Variants in CTNNA3 observed in about 807,000 individuals in gnomAD.
CTNNA3 encodes catenin alpha 3.
A neutral mutation model predicts 95.7 loss-of-function variants in CTNNA3; 76 were observed. That is an observed-to-expected ratio of 0.79 (90% CI 0.66 to 0.96). The LOEUF (loss-of-function observed/expected upper bound fraction) is 0.96. CTNNA3 is among the 40% of genes least tolerant of loss of function. The probability of loss-of-function intolerance (pLI) is 0.00; values close to 1 mark genes in which losing one functional copy is unlikely to be tolerated. For missense variants in CTNNA3, 1,191 were observed against 1,089.8 expected, an observed-to-expected ratio of 1.09 and a Z score of -1.31; for synonymous variants, 431 against 374.4, an observed-to-expected ratio of 1.15 and a Z score of -1.74.
chr10:67,216,043 G>A lies in CTNNA3; in HGVS notation c.843+3564C>T, dbSNP rs116606229. ...GTTCTTATAGTTCACTATATATCTA[G>A]AAACCAAACCATTTTTTAAAATCAT... On this transcript the variant is annotated intron_variant, in intron 6 of 17. Transcript: ENST00000433211. Among the ~76,000 whole-genome samples, 372 of 152,044 alleles carry A rather than the reference G, an allele frequency of 2.4e-3. 3 individuals are homozygous for A. Among genetic ancestry groups the A allele is most frequent in the African/African-American group, 8.5e-3 (353 of 41,468 alleles).
chr10:65,938,478 T>C (rs2077377436), intron 17 of CTNNA3, among the ~76,000 whole-genome samples: 1 of 152,166 alleles, frequency 6.6e-6, no homozygotes, highest in Non-Finnish European at 1.5e-5. Context: ...AAAATAAGTA[T>C]ATAGTGAGAT....
intron 9 of CTNNA3, among the ~76,000 whole-genome samples, chr10:66,666,537 AC>A (rs1846457809): frequency 6.6e-6 from 1 of 152,162 alleles, no homozygotes; most frequent in South Asian, 2.1e-4. Flanking sequence ...TAATAAGGAC[AC>A]CTTTTTTGCA....
chr10:66,253,934 G>A (rs2090658728), intron 13 of CTNNA3, among the ~76,000 whole-genome samples: 1 of 152,166 alleles, frequency 6.6e-6, no homozygotes, highest in South Asian at 2.1e-4. Context: ...CAGCATAGAT[G>A]ACAAATTATC....
At position 65,928,879 on chromosome 10, in the gene CTNNA3, C is replaced by CT. The variant is rs542486641; in HGVS notation, c.2401-8263dup. On this transcript the variant is annotated intron_variant, in intron 17 of 17. Coordinates refer to ENST00000433211, the MANE Select transcript of CTNNA3 (RefSeq NM_013266.4). ...TTCCCACTTTTAGATTATTATTTCTCTTTTTTTTATTATACTTTAAAGTTT... is the reference window on the plus strand; with the variant it reads ...TTCCCACTTTTAGATTATTATTTCTCTTTTTTTTTATTATACTTTAAAGTTT... Among the ~76,000 whole-genome samples, 374 of 152,090 alleles carry CT rather than the reference C, an allele frequency of 2.5e-3. 1 individual carries two copies. Among genetic ancestry groups the CT allele is most frequent in the Non-Finnish European group, 4.4e-3 (296 of 67,968 alleles).
In CTNNA3 at chr10:66,057,139, C is replaced by T. The variant is rs147488769; in HGVS notation, c.2159+12169G>A. 2.4e-3 allele frequency among the ~76,000 whole-genome samples: 368 copies of T among 152,236 alleles called. 4 individuals are homozygous for T. The highest frequency in any genetic ancestry group is 8.2e-3 in the African/African-American group (341 of 41,556). ...CTTTTTAAAGCTTTCCTTTTCCCTGCCTGTTTTTGAGACTCTGCCCAAAGC... is the reference window on the plus strand; with the variant it reads ...CTTTTTAAAGCTTTCCTTTTCCCTGTCTGTTTTTGAGACTCTGCCCAAAGC... On this transcript the variant is annotated intron_variant, in intron 15 of 17. Coordinates refer to ENST00000433211, the MANE Select transcript of CTNNA3 (RefSeq NM_013266.4).
At chr10:66,414,217 C>T (rs74143909) in intron 11 of CTNNA3, among the ~76,000 whole-genome samples, 1,554 of 152,234 alleles carry the variant, frequency 0.01, 32 homozygotes, top group African/African-American at 0.036. Context: ...CCTTGGGAGG[C>T]TTCAGGATGG....
chr10:66,723,969 C>T (rs1203233402), intron 9 of CTNNA3, among the ~76,000 whole-genome samples: 1 of 152,014 alleles, frequency 6.6e-6, no homozygotes, highest in Non-Finnish European at 1.5e-5. Context: ...TATTTTTTCC[C>T]CTCCTGGAGC....
intron 9 of CTNNA3, among the ~76,000 whole-genome samples, chr10:66,649,877 C>T (rs1026827037): frequency 2.6e-5 from 4 of 152,176 alleles, no homozygotes; most frequent in African/African-American, 9.7e-5. Context: ...GACCCAGCCT[C>T]CAGGTTAAGC....
At chr10:67,315,830 T>A (rs1841025196) in intron 5 of CTNNA3, among the ~76,000 whole-genome samples, 2 of 152,166 alleles carry the variant, frequency 1.3e-5, no homozygotes, top group African/African-American at 4.8e-5. Context: ...TTTCATCTTT[T>A]ATAGAAAATC....
At chr10:66,975,687 T>G (rs943693278) in intron 7 of CTNNA3, among the ~76,000 whole-genome samples, 1 of 152,136 alleles carries the variant, frequency 6.6e-6, no homozygotes, top group African/African-American at 2.4e-5. Context: ...CACAAGTTTA[T>G]CTGGTTCTCC....
intron 7 of CTNNA3, among the ~76,000 whole-genome samples, chr10:66,978,250 G>A (rs947493815): frequency 2.0e-5 from 3 of 152,108 alleles, no homozygotes; most frequent in Admixed American, 6.6e-5. Flanking sequence ...TGTGGGCCAA[G>A]TGCACTGGCT....
chr10:66,916,189 G>T (rs1224355131), intron 7 of CTNNA3, among the ~76,000 whole-genome samples: 6 of 152,152 alleles, frequency 3.9e-5, no homozygotes, highest in African/African-American at 1.4e-4. Context: ...AATGAGAATG[G>T]CAACACAGTC....
At chr10:66,062,412 G>A (rs1232085385) in intron 15 of CTNNA3, among the ~76,000 whole-genome samples, 1 of 152,006 alleles carries the variant, frequency 6.6e-6, no homozygotes, top group African/African-American at 2.4e-5. Flanking sequence ...ACTGCCAGCT[G>A]TGACCCTCAC....
At chr10:67,182,494 G>C (rs1862606108) in intron 6 of CTNNA3, among the ~76,000 whole-genome samples, 1 of 152,142 alleles carries the variant, frequency 6.6e-6, no homozygotes, top group African/African-American at 2.4e-5. Context: ...TATGTAGAAA[G>C]CTGAAACTGG....
intron 7 of CTNNA3, among the ~76,000 whole-genome samples, chr10:66,975,970 T>C (rs1389486509): frequency 6.6e-6 from 1 of 152,238 alleles, no homozygotes; most frequent in Non-Finnish European, 1.5e-5. Flanking sequence ...CTTAACATGC[T>C]ACTGCAGTTA....
At chr10:66,789,002 G>A (rs911232138) in intron 7 of CTNNA3, among the ~76,000 whole-genome samples, 6 of 152,152 alleles carry the variant, frequency 3.9e-5, no homozygotes, top group Admixed American at 3.9e-4. Flanking sequence ...TATTAAATAG[G>A]AAGAATCGTG....
intron 10 of CTNNA3, among the ~76,000 whole-genome samples, chr10:66,544,727 G>A (rs1301035031): frequency 6.6e-6 from 1 of 152,028 alleles, no homozygotes; most frequent in East Asian, 1.9e-4. Context: ...TTTATCTTAA[G>A]CCCACACTCT....
intron 9 of CTNNA3, among the ~76,000 whole-genome samples, chr10:66,763,852 C>T (rs1839724648): frequency 6.6e-6 from 1 of 152,142 alleles, no homozygotes. Flanking sequence ...TAACGCACTT[C>T]CAGTCATGTG....
chr10:67,623,278 C>A (rs192032781), intron 2 of CTNNA3, among the ~76,000 whole-genome samples: 1 of 152,152 alleles, frequency 6.6e-6, no homozygotes, highest in South Asian at 2.1e-4. Context: ...GGCTAAGAAG[C>A]CAAAGGGGGC....
Sources: gnomAD v4.1 joint callset for allele counts (sites outside exome capture counted in the v4.1 genomes callset) on GRCh38, gnomAD v4.1.1 for gene constraint, MANE v1.5 for transcripts, NCBI Gene and HGNC (gene_info 2026-07-23, HGNC 2026-07-21) for gene names.